MICALL2: variants seen among roughly 807,000 people sequenced by gnomAD.
MICALL2 encodes the protein MICAL-like protein 2.
MICALL2 carries 111 observed loss-of-function variants against 91.1 expected under a neutral mutation model. The ratio of observed to expected loss-of-function variants is 1.22; its 90% confidence interval spans 1.04 to 1.43. MICALL2 has a LOEUF of 1.43. MICALL2 is among the 40% of genes most tolerant of loss of function. MICALL2 has a pLI of 0.00. For synonymous variants in MICALL2, 694 were observed against 525.3 expected (o/e 1.32, Z -4.39); for missense variants, 1,556 against 1,236.0 (o/e 1.26, Z -3.88).
At position 1,440,641 on chromosome 7, in the gene MICALL2, T is replaced by C. The variant is rs1333607215; in HGVS notation, c.1755A>G (p.Ala585=). Residue 585 remains alanine (A), a synonymous_variant, in exon 8 of 17, where the codon GCA becomes GCG. Coordinates refer to ENST00000297508, the MANE Select transcript of MICALL2 (RefSeq NM_182924.4). ...SLQEGQEDGP[A]GWRANLKPVD... is the part of the protein sequence containing the mutation. ...CGGGCTTCAGATTCGCTCTCCATCC[T>C]GCCGGCCCGTCCTCCTGGCCTTCCT... 4 of 1,612,668 alleles carry C rather than the reference T, an allele frequency of 2.5e-6. No individual in the cohort carries two copies. Among genetic ancestry groups the C allele is most frequent in the Non-Finnish European group, 3.4e-6 (4 of 1,179,924 alleles).
chr7:1,436,542 A>G, intron 15 of MICALL2, among the ~76,000 whole-genome samples, 200 bp downstream of exon 15: 1 of 122,966 alleles, frequency 8.1e-6, no homozygotes, highest in South Asian at 2.5e-4. Context: ...ACAGAGCAAG[A>G]CTCTGTCTCA....
chr7:1,457,339 C>T (rs767188075), intron 1 of MICALL2, among the ~76,000 whole-genome samples: 1 of 152,220 alleles, frequency 6.6e-6, no homozygotes, highest in African/African-American at 2.4e-5. Context: ...GGGACAGAAC[C>T]AAGTCAGCCA....
rs1244353845 is a variant in MICALL2 at position 1,445,254 on chromosome 7, G to A, written c.816C>T (p.Ser272=). 4 of 1,612,402 alleles carry A rather than the reference G, an allele frequency of 2.5e-6. No homozygotes were observed. The Admixed American group carries it at 6.7e-5, about 27-fold the overall frequency. Residue 272 remains serine, a synonymous_variant, in exon 6 of 17, where the codon TCC becomes TCT. Transcript: ENST00000297508. ...TGTTTGCCTCCTGGGCCTTCTGTGG[G>A]GAACAGGAGGTCCTGGAATCCACAC... ...AMGVDSRTSC[S]PQKAQEANKA... is the part of the protein sequence containing the mutation.
At chr7:1,443,192 C>T (rs1454019564) in intron 6 of MICALL2, among the ~76,000 whole-genome samples, 2 of 149,764 alleles carry the variant, frequency 1.3e-5, no homozygotes, top group East Asian at 4.0e-4. Context: ...GCCACACATG[C>T]CCCCCGCCCC....
intron 5 of MICALL2, 114 bp from the exon 6 acceptor site, chr7:1,445,542 C>A: frequency 9.6e-7 from 1 of 1,038,750 alleles, no homozygotes. Context: ...TGCGAGGTTG[C>A]TGAACGCCCG....
chr7:1,446,521 G>A (rs1780591441), intron 5 of MICALL2, 192 bp downstream of exon 5: 2 of 536,958 alleles, frequency 3.7e-6, no homozygotes, highest in Non-Finnish European at 6.6e-6. Flanking sequence ...GGGAGAAGAG[G>A]GAGAAGGGGA....
At position 1,447,057 on chromosome 7, in the gene MICALL2, G is replaced by A. The variant is rs995217236; in HGVS notation, c.526-229C>T. 7.9e-5 allele frequency among the ~76,000 whole-genome samples: 12 copies of A among 152,120 alleles called. 1 individual carries two copies. Among genetic ancestry groups the A allele is most frequent in the Non-Finnish European group, 1.5e-4 (10 of 67,986 alleles). On this transcript the variant is annotated intron_variant, in intron 4 of 16. Transcript: ENST00000297508. ...TGAGGCCCGATGCTAGTGGTCCTTC[G>A]GTGGCTGGGGGCCAGGGGACAGATT... is the stretch of plus-strand genomic sequence containing the variant.
Position 1,438,479 on chromosome 7 carries a change from C to A in MICALL2, c.2123-126G>T, listed in dbSNP as rs977855824. 1.1e-5 allele frequency: 17 copies of A among 1,483,094 alleles called. No individual in the cohort carries two copies. In the African/African-American group the frequency reaches 2.4e-4, roughly 21 times the overall value. 91.9% of individuals were successfully genotyped at this position (1,483,094 alleles called of 1,614,324 possible). A position where few individuals can be genotyped will look rare whatever the true frequency, so the allele number is the denominator to read the frequency against. On this transcript the variant is annotated intron_variant, in intron 10 of 16. Coordinates refer to ENST00000297508, the MANE Select transcript of MICALL2 (RefSeq NM_182924.4). ...GCCCCAGCCCTGCCTCCCTAATGCC[C>A]CACACGCCCACTGGACTGCCCTGAC...
At chr7:1,447,143 G>T (rs978810279) in intron 4 of MICALL2, among the ~76,000 whole-genome samples, 2 of 152,170 alleles carry the variant, frequency 1.3e-5, no homozygotes, top group Non-Finnish European at 2.9e-5. Context: ...CATCCCGGGA[G>T]CCTGGAGTGG....
At position 1,434,686 on chromosome 7, in the gene MICALL2, G is replaced by A. The variant is rs1779878150; in HGVS notation, c.2639-14C>T. The A allele has an allele frequency of 7.1e-6, 11 of 1,542,352 alleles. No individual in the cohort carries two copies. The highest frequency in any genetic ancestry group is 9.6e-6 in the Non-Finnish European group (11 of 1,148,644). ...TCCTCTGGAGGCCTAGGGGACAGGT[G>A]GACAGTGAGGCCGTGCTCAACGCCG... is the stretch of plus-strand genomic sequence containing the variant. On this transcript the variant is annotated splice_polypyrimidine_tract_variant and intron_variant, in intron 16 of 16. Transcript: ENST00000297508.
At chr7:1,446,084 T>A (rs1382774420) in intron 5 of MICALL2, among the ~76,000 whole-genome samples, 4 of 134,680 alleles carry the variant, frequency 3.0e-5, no homozygotes, top group Non-Finnish European at 6.3e-5. Flanking sequence ...GTGAGGGGCA[T>A]CAGGTCCTGG....
intron 1 of MICALL2, among the ~76,000 whole-genome samples, chr7:1,458,712 G>T (rs1005683716): frequency 1.3e-5 from 2 of 152,206 alleles, no homozygotes; most frequent in African/African-American, 2.4e-5. Flanking sequence ...GGGGTCTGGG[G>T]GCTTCCTGCC....
intron 6 of MICALL2, among the ~76,000 whole-genome samples, chr7:1,443,858 G>C (rs879456148): frequency 2.6e-4 from 40 of 152,318 alleles, no homozygotes; most frequent in Admixed American, 2.2e-3. Flanking sequence ...GCCCAGTGAG[G>C]GGGTCTTTGG....
rs746486588 is a variant in MICALL2 at position 1,452,382 on chromosome 7, C to T, written c.144-2094G>A. 3.9e-5 allele frequency among the ~76,000 whole-genome samples: 6 copies of T among 152,040 alleles called. No homozygotes were observed. Among genetic ancestry groups the T allele is most frequent in the Non-Finnish European group, 7.4e-5 (5 of 67,984 alleles). ...CCAGGGACTCTGCAGCCATGCTGGG[C>T]GTCAGCCTCAGCCCCCAGGGCTTAG... On this transcript the variant is annotated intron_variant, in intron 1 of 16. Transcript: ENST00000297508. This position sits in a 1 kb window ranked among gnomAD's most constrained non-coding sequence, Gnocchi z 6.2.
rs747398203 is a variant in MICALL2, at chr7:1,439,001, C to T, written c.1967-6G>A. The T allele has an allele frequency of 6.3e-7, 1 of 1,589,506 alleles. No homozygotes were observed. Among genetic ancestry groups the T allele is most frequent in the East Asian group, 2.2e-5 (1 of 44,640 alleles). On this transcript the variant is annotated splice_region_variant and splice_polypyrimidine_tract_variant and intron_variant, in intron 9 of 16. Transcript: ENST00000297508. ...GGGTGGGGAGGGGGACCTGGCTGCC[C>T]CCAGGTGGGGAGACAGAGCCACGCT...
chr7:1,445,119 C>T lies in MICALL2; in HGVS notation c.951G>A (p.Arg317=). The stretch of plus-strand genomic sequence containing the variant: ...GGCTCTCAGAGGGCCTGGCTGGGCT[C>T]CTCACGTGGACGGACGTGGCGCTGG... ...AATSATSVHV[R]SPARPSESRL... is the part of the protein sequence containing the mutation. Residue 317 remains arginine, a synonymous_variant, in exon 6 of 17, where the codon AGG becomes AGA. Transcript: ENST00000297508. 1 of 1,558,076 alleles carries T rather than the reference C, an allele frequency of 6.4e-7. No individual in the cohort carries two copies. The highest frequency in any genetic ancestry group is 8.7e-7 in the Non-Finnish European group (1 of 1,152,008).
chr7:1,437,530 C>A lies in MICALL2; in HGVS notation c.2476+5G>T. ...GGCCCCTTGGCTGGCGCGCGGGGGA[C>A]GCACCGGGCTTGGCCATGAGCCGGC... On this transcript the variant is annotated splice_donor_5th_base_variant and intron_variant, in intron 14 of 16. Transcript: ENST00000297508. 1 of 1,517,716 alleles carries A rather than the reference C, an allele frequency of 6.6e-7. No homozygotes were observed. Among genetic ancestry groups the A allele is most frequent in the Non-Finnish European group, 8.8e-7 (1 of 1,140,636 alleles). 94.0% of individuals were successfully genotyped at this position (1,517,716 alleles called of 1,614,324 possible).
In MICALL2 at chr7:1,442,426, C is replaced by T. The variant is rs1780341667; in HGVS notation, c.1477G>A (p.Ala493Thr). 1.3e-6 allele frequency: 2 copies of T among 1,568,256 alleles called. No individual in the cohort carries two copies. Among genetic ancestry groups the T allele is most frequent in the Non-Finnish European group, 8.7e-7 (1 of 1,155,692 alleles). Reference sequence around the variant, plus strand: ...TGTAACGGCTTGGCTAAGGGACTTGCTTGTGGTGCTTCAGTTTTGGGCTGA... The same window carrying T: ...TGTAACGGCTTGGCTAAGGGACTTGTTTGTGGTGCTTCAGTTTTGGGCTGA... ...SSQPKTEAPQ[A>T]SPLAKPLQSS... Residue 493 changes from alanine (A) to threonine (T), a missense_variant, in exon 7 of 17, where the codon GCA (alanine) becomes ACA (threonine). Ala to Thr is a moderately conservative substitution (Grantham distance 58, BLOSUM62 0). Transcript: ENST00000297508.
chr7:1,452,999 G>C lies in MICALL2; in HGVS notation c.144-2711C>G, dbSNP rs999010026. ...CGATGCACCCGCCAGGCCCTCCCCA[G>C]ATGCACCTTGCTGTCCCCGAGCTCA... is the stretch of plus-strand genomic sequence containing the variant. On this transcript the variant is annotated intron_variant, in intron 1 of 16. Transcript: ENST00000297508. The surrounding 1 kb of genome is among the most constrained non-coding windows in gnomAD (Gnocchi z 6.2). 6.6e-6 allele frequency among the ~76,000 whole-genome samples: 1 copy of C among 151,782 alleles called. No homozygotes were observed. Among genetic ancestry groups the C allele is most frequent in the Non-Finnish European group, 1.5e-5 (1 of 67,964 alleles).
Sources: allele counts gnomAD v4.1 joint callset (sites outside exome capture counted in the v4.1 genomes callset), GRCh38; gene constraint gnomAD v4.1.1; non-coding constraint Gnocchi (gnomAD v3.1); transcripts MANE v1.5; gene names NCBI Gene and HGNC (gene_info 2026-07-23, HGNC 2026-07-21).